Variants in MB observed in about 807,000 individuals in gnomAD.
The protein encoded by MB is myoglobin, also known as nitrite reductase MB.
In MB, 10 loss-of-function variants were observed where a neutral mutation model predicts 14.5. The ratio of observed to expected loss-of-function variants is 0.69; its 90% CI spans 0.43 to 1.17. MB has a LOEUF of 1.17. MB is among the 50% of genes most tolerant of loss of function. The pLI is 0.00. For missense variants in MB, 169 were observed against 192.7 expected (o/e 0.88, Z 0.73); for synonymous variants, 89 against 78.6 (o/e 1.13, Z -0.70).
intron 2 of MB, 34 bp from the exon 3 acceptor site, chr22:35,607,477 AGGGTGG>A: frequency 6.2e-7 from 1 of 1,605,410 alleles, no homozygotes; most frequent in Non-Finnish European, 8.5e-7. Flanking sequence ...AATGGTCACC[AGGGTGG>A]GACAAGCCAG....
At chr22:35,611,180 C>A in intron 1 of MB, 74 bp from the exon 2 acceptor site, 1 of 1,029,156 alleles carries the variant, frequency 9.7e-7, no homozygotes, top group South Asian at 1.3e-5. Context: ...GACTAGAGTT[C>A]AAGTTTAGCT....
intron 1 of MB, among the ~76,000 whole-genome samples, chr22:35,611,394 G>T (rs963007549): frequency 6.6e-6 from 1 of 152,146 alleles, no homozygotes; most frequent in African/African-American, 2.4e-5. Context: ...GTTCTGAGGC[G>T]TAAAGTCACC....
chr22:35,615,746 G>A (rs950374327), intron 1 of MB: 24 of 152,232 alleles, frequency 1.6e-4, no homozygotes, highest in African/African-American at 5.8e-4. Context: ...AAGGTCACAT[G>A]GCATATCTGT....
chr22:35,613,858 C>G (rs1362229710), intron 1 of MB, among the ~76,000 whole-genome samples: 1 of 152,206 alleles, frequency 6.6e-6, no homozygotes, highest in African/African-American at 2.4e-5. Flanking sequence ...CAAGATCATT[C>G]CGGCACCACA....
At chr22:35,607,494 G>T (rs748250599) in intron 2 of MB, 51 bp from the exon 3 acceptor site, 1 of 1,574,962 alleles carries the variant, frequency 6.3e-7, no homozygotes, top group Non-Finnish European at 8.7e-7. Context: ...GACAAGCCAG[G>T]GGCCAGATGG....
Position 35,608,636 on chromosome 22 carries a change from G to T in MB, c.319-1193C>A, listed in dbSNP as rs553789031. On this transcript the variant is annotated intron_variant, in intron 2 of 2. Coordinates refer to ENST00000397326, the MANE Select transcript of MB (RefSeq NM_005368.3). This position sits in a 1 kb window ranked among gnomAD's most constrained non-coding sequence, Gnocchi z 4.3. Reference sequence around the variant, plus strand: ...TTTCATGAATGCCACAAAACAAAGTGGGGGCTCAGGGTGTCATGGAGCAAG... The same window carrying T: ...TTTCATGAATGCCACAAAACAAAGTTGGGGCTCAGGGTGTCATGGAGCAAG... Among the ~76,000 whole-genome samples, 7 of 152,290 alleles carry T rather than the reference G, an allele frequency of 4.6e-5. No homozygotes were observed. The highest frequency in any genetic ancestry group is 4.6e-4 in the Admixed American group (7 of 15,302).
chr22:35,622,717 T>TC (rs1452564692), intron 1 of MB, among the ~76,000 whole-genome samples: 2 of 151,362 alleles, frequency 1.3e-5, no homozygotes, highest in African/African-American at 4.9e-5. Context: ...CCGACCTGCC[T>TC]CCCCCCTCCA....
intron 1 of MB, among the ~76,000 whole-genome samples, chr22:35,613,760 A>G (rs1361199560): frequency 6.6e-6 from 1 of 152,188 alleles, no homozygotes; most frequent in Non-Finnish European, 1.5e-5. Flanking sequence ...TGCCTCCCAA[A>G]GTGCTGGGAT....
chr22:35,614,031 C>T (rs1326035184), intron 1 of MB, among the ~76,000 whole-genome samples: 2 of 152,246 alleles, frequency 1.3e-5, no homozygotes, highest in African/African-American at 4.8e-5. Context: ...TTTCAGAAAG[C>T]CCCGCTGGCC....
At chr22:35,615,335 T>C (rs2145920842) in intron 1 of MB, among the ~76,000 whole-genome samples, 1 of 152,300 alleles carries the variant, frequency 6.6e-6, no homozygotes, top group South Asian at 2.1e-4. Flanking sequence ...TGGCACAGTC[T>C]CTGCATGTCC....
chr22:35,610,818 C>T (rs1464432700), intron 2 of MB, 66 bp downstream of exon 2: 6 of 1,312,960 alleles, frequency 4.6e-6, no homozygotes, highest in Non-Finnish European at 6.5e-6. Context: ...GGACTCGAAC[C>T]CAGATCCCAT....
intron 1 of MB, among the ~76,000 whole-genome samples, chr22:35,616,014 G>T (rs574394694): frequency 6.6e-6 from 1 of 152,198 alleles, no homozygotes; most frequent in Non-Finnish European, 1.5e-5. Flanking sequence ...GCTGGAAATG[G>T]GTAAAGCCCA....
chr22:35,607,662 C>A (rs917238627), intron 2 of MB, among the ~76,000 whole-genome samples: 35 of 152,100 alleles, frequency 2.3e-4, no homozygotes, highest in Non-Finnish European at 4.1e-4. Flanking sequence ...TTTACAGATG[C>A]AGAAACTGAG....
At chr22:35,614,385 C>G (rs780365165) in intron 1 of MB, among the ~76,000 whole-genome samples, 1 of 151,700 alleles carries the variant, frequency 6.6e-6, no homozygotes, top group Non-Finnish European at 1.5e-5. Context: ...GTCAGGAGTT[C>G]GAGACCAGCC....
At chr22:35,617,085 CA>C (rs1923129487) in intron 1 of MB, 77 bp downstream of exon 1, 1 of 1,178,434 alleles carries the variant, frequency 8.5e-7, no homozygotes, top group African/African-American at 1.5e-5. Flanking sequence ...ACCCCACGTG[CA>C]AACTTTCCAC....
At chr22:35,617,104 C>G in intron 1 of MB, 59 bp downstream of exon 1, 1 of 1,381,022 alleles carries the variant, frequency 7.2e-7, no homozygotes, top group African/African-American at 1.4e-5. Context: ...CACCTTGCAG[C>G]TGAACACCCT....
In MB at chr22:35,617,047, AC is replaced by A. The variant is rs1923126523; in HGVS notation, c.95+115del. 2.3e-5 allele frequency: 18 copies of A among 768,998 alleles called. No individual in the cohort carries two copies. The South Asian group carries it at 2.7e-4, about 12-fold the overall frequency. 47.6% of individuals were successfully genotyped at this position (768,998 alleles called of 1,614,324 possible). ...AGAAAAAGCAAGTGACCGTTCTAAC[AC>A]CCTTAACTAATGCAGCCAACTGACC... On this transcript the variant is annotated intron_variant, in intron 1 of 2. Transcript: ENST00000397326.
chr22:35,612,878 A>G (rs1042327884), intron 1 of MB, among the ~76,000 whole-genome samples: 12 of 152,074 alleles, frequency 7.9e-5, no homozygotes, highest in Non-Finnish European at 1.5e-4. Context: ...GGGCCTGCAC[A>G]CTCACACAGA....
chr22:35,618,417 A>T (rs1480203178), upstream of MB, among the ~76,000 whole-genome samples: 1 of 152,198 alleles, frequency 6.6e-6, no homozygotes, highest in Non-Finnish European at 1.5e-5. Context: ...GAGGATGATT[A>T]GCCTTATCTT....
Sources: allele counts gnomAD v4.1 joint callset (sites outside exome capture counted in the v4.1 genomes callset), GRCh38; gene constraint gnomAD v4.1.1; non-coding constraint Gnocchi (gnomAD v3.1); transcripts MANE v1.5; gene names NCBI Gene and HGNC (gene_info 2026-07-23, HGNC 2026-07-21).